Variants in CCDC160 observed in about 807,000 individuals in gnomAD.
The protein encoded by CCDC160 is coiled-coil domain-containing protein 160.
For missense variants in CCDC160, 227 were observed against 215.6 expected (o/e 1.05, Z -0.33); for synonymous variants, 94 against 79.4 (o/e 1.18, Z -0.98).
downstream of CCDC160, chrX:134,246,044 CAT>C (rs778103371): frequency 3.1e-3 from 599 of 192,991 alleles, 4 homozygotes; most frequent in African/African-American, 0.017. Context: ...TACACACACA[CAT>C]ATATTCACTC....
In CCDC160 at chrX:134,240,924, G is replaced by A. The variant is rs2077025851; in HGVS notation, c.-25+3581G>A. ...ACTCCTGACATCAAGTTATCCTTCCGCCTCTGCCTCCCAAAGCACTGGGAT... is the reference window on the plus strand; with the variant it reads ...ACTCCTGACATCAAGTTATCCTTCCACCTCTGCCTCCCAAAGCACTGGGAT... On this transcript the variant is annotated intron_variant, in intron 1 of 1. Coordinates refer to ENST00000370809, the Ensembl canonical transcript of CCDC160. Among the ~76,000 whole-genome samples, 4 of 108,289 alleles carry A rather than the reference G, an allele frequency of 3.7e-5. No homozygotes were observed. In the South Asian group the frequency reaches 1.2e-3, roughly 33 times the overall value. The allele number at this position is 108,289 out of a possible 115,157, so 94.0% of individuals were successfully genotyped here. A position where few individuals can be genotyped will look rare whatever the true frequency, so the allele number is the denominator to read the frequency against.
chrX:134,245,614 G>A (rs1448544224), exon 2 of CCDC160: 7 of 1,206,855 alleles, frequency 5.8e-6, no homozygotes, highest in Non-Finnish European at 7.8e-6. Flanking sequence ...ATTAGAAATG[G>A]CAAAGATCCG....
At chrX:134,245,872 A>G (rs1321675317), downstream of CCDC160, 3 of 599,045 alleles carry the variant, frequency 5.0e-6, no homozygotes, top group Non-Finnish European at 7.2e-6. Flanking sequence ...ATGTAATAGG[A>G]TGTTATTTTC....
At chrX:134,238,781 C>G (rs1037612415) in intron 1 of CCDC160, 1 of 111,844 alleles carries the variant, frequency 8.9e-6, no homozygotes, top group African/African-American at 3.3e-5. Context: ...TTTTCCAGTT[C>G]AAACTGGAGA....
At chrX:134,239,143 C>T (rs1271113180) in intron 1 of CCDC160, among the ~76,000 whole-genome samples, 1 of 111,929 alleles carries the variant, frequency 8.9e-6, no homozygotes, top group Non-Finnish European at 1.9e-5. Flanking sequence ...GTAGAGATTT[C>T]AGGAAGAATA....
At chrX:134,240,927 T>C (rs1427319982) in intron 1 of CCDC160, among the ~76,000 whole-genome samples, 2 of 109,136 alleles carry the variant, frequency 1.8e-5, no homozygotes, top group African/African-American at 6.7e-5. Flanking sequence ...TCCTTCCGCC[T>C]CTGCCTCCCA....
At chrX:134,243,285 A>G (rs1432192708) in intron 1 of CCDC160, 30 of 643,212 alleles carry the variant, frequency 4.7e-5, no homozygotes, top group Non-Finnish European at 5.4e-5. Flanking sequence ...CAAATAGTTC[A>G]TCTTAAGAAT....
At chrX:134,238,537 T>C (rs1030878578) in intron 1 of CCDC160, among the ~76,000 whole-genome samples, 3 of 108,852 alleles carry the variant, frequency 2.8e-5, no homozygotes, top group African/African-American at 1.0e-4. Context: ...CACGCCCGGC[T>C]AATTTTTGTA....
intron 1 of CCDC160, among the ~76,000 whole-genome samples, chrX:134,243,541 T>C (rs746645299): frequency 8.9e-6 from 1 of 111,835 alleles, no homozygotes; most frequent in South Asian, 3.8e-4. Context: ...CTCAGGGCCA[T>C]GAGATTATGA....
At chrX:134,244,851 T>C in exon 2 of CCDC160, 1 of 1,186,225 alleles carries the variant, frequency 8.4e-7, no homozygotes, top group Non-Finnish European at 1.1e-6. Context: ...CTCCTTTTTT[T>C]AGTGCACAAG....
chrX:134,246,007 G>A, downstream of CCDC160: 1 of 148,493 alleles, frequency 6.7e-6, no homozygotes, highest in African/African-American at 4.6e-5. Context: ...ATATCAGAGT[G>A]TGTGTGTGTG....
At chrX:134,242,588 C>T (rs866821359) in intron 1 of CCDC160, among the ~76,000 whole-genome samples, 9 of 108,235 alleles carry the variant, frequency 8.3e-5, no homozygotes, top group Middle Eastern at 4.6e-3. Flanking sequence ...TGTGTGTGTG[C>T]ATGTGTGCAT....
downstream of CCDC160, chrX:134,245,831 T>C (rs1274433223): frequency 9.0e-6 from 8 of 888,075 alleles, no homozygotes; most frequent in South Asian, 2.5e-4. Context: ...TCAGTGTTTA[T>C]TGTATTTTCT....
intron 1 of CCDC160, among the ~76,000 whole-genome samples, chrX:134,241,891 G>A (rs1350190012): frequency 1.8e-5 from 2 of 111,998 alleles, no homozygotes; most frequent in East Asian, 5.6e-4. Flanking sequence ...ACCAGGCCAG[G>A]GTAGAGGAGT....
chrX:134,239,913 C>G (rs1158606908), intron 1 of CCDC160, among the ~76,000 whole-genome samples: 1 of 112,045 alleles, frequency 8.9e-6, no homozygotes, highest in Non-Finnish European at 1.9e-5. Flanking sequence ...TTTTTTCCAC[C>G]ATAGTCCACA....
chrX:134,240,739 A>G (rs1051511997), intron 1 of CCDC160, among the ~76,000 whole-genome samples: 17 of 80,899 alleles, frequency 2.1e-4, no homozygotes, highest in Non-Finnish European at 3.7e-4. Flanking sequence ...GCTGGAGTGC[A>G]GTGGCATGAT....
intron 1 of CCDC160, among the ~76,000 whole-genome samples, 184 bp downstream of exon 1, chrX:134,237,527 C>G (rs2077013862): frequency 8.9e-6 from 1 of 111,852 alleles, no homozygotes; most frequent in Non-Finnish European, 1.9e-5. Context: ...AGGGAAAGGA[C>G]CAGGACGTGG....
chrX:134,245,311 G>A, exon 2 of CCDC160: 2 of 1,187,970 alleles, frequency 1.7e-6, no homozygotes, highest in South Asian at 1.9e-5. Flanking sequence ...ATTTGAAAAT[G>A]CTGAAAAAGA....
downstream of CCDC160, among the ~76,000 whole-genome samples, chrX:134,246,801 T>C (rs747443256): frequency 8.9e-6 from 1 of 112,312 alleles, no homozygotes; most frequent in East Asian, 2.8e-4. Context: ...TCTATTTGCA[T>C]GGTGTTTTAA....
Sources: gnomAD v4.1 joint callset for allele counts (sites outside exome capture counted in the v4.1 genomes callset) on GRCh38, gnomAD v4.1.1 for gene constraint, MANE v1.5 for transcripts, NCBI Gene and HGNC (gene_info 2026-07-23, HGNC 2026-07-21) for gene names.